PSD: variants seen among roughly 807,000 people sequenced by gnomAD.
PSD encodes pleckstrin and Sec7 domain containing.
PSD carries 32 observed loss-of-function variants against 91.6 expected under a neutral mutation model. The ratio of observed to expected loss-of-function variants is 0.35; its 90% CI spans 0.26 to 0.47. PSD has a LOEUF of 0.47. Ranked by LOEUF, PSD falls within the 20% of genes least tolerant of loss-of-function variation. The probability of loss-of-function intolerance (pLI) is 1.00; values close to 1 mark genes in which losing one functional copy is unlikely to be tolerated. For synonymous variants in PSD, 532 were observed against 569.3 expected (o/e 0.93, Z 0.93); for missense variants, 1,099 against 1,373.9 (o/e 0.80, Z 3.16).
At chr10:102,413,223 A>AC (rs2061441516) in intron 5 of PSD, among the ~76,000 whole-genome samples, 1 of 151,980 alleles carries the variant, frequency 6.6e-6, no homozygotes, top group African/African-American at 2.4e-5. Context: ...TTGCTAGGCA[A>AC]CCCGGTCTCC....
Position 102,416,666 on chromosome 10 carries a change from G to C in PSD, c.373C>G (p.Arg125Gly), listed in dbSNP as rs150908349. The change falls in exon 2 of 17, where the codon CGG (arginine) becomes GGG (glycine). Residue 125 changes from arginine to glycine, a missense_variant. By Grantham distance (125) the Arg-to-Gly change is moderately radical. Coordinates refer to ENST00000020673, the MANE Select transcript of PSD (RefSeq NM_002779.5). This position sits in a 1 kb window ranked among gnomAD's most constrained non-coding sequence, Gnocchi z 6.0. ...NGLPAPGGLS[R>G]SWDLGGVSPP... ...GAAACCCCACCCAGATCCCAGCTCC[G>C]ACTCAAGCCCCCTGGAGCAGGTAGC... 1.9e-6 allele frequency: 3 copies of C among 1,609,964 alleles called. No individual in the cohort carries two copies. The African/African-American group carries it at 4.0e-5, about 22-fold the overall frequency.
In PSD at chr10:102,402,696, G is replaced by T. The variant is rs45534636; in HGVS notation, c.*504C>A. 9.5e-6 allele frequency: 3 copies of T among 315,664 alleles called. No homozygotes were observed. Among genetic ancestry groups the T allele is most frequent in the Non-Finnish European group, 1.7e-5 (3 of 171,710 alleles). 19.6% of individuals were successfully genotyped at this position (315,664 alleles called of 1,614,324 possible). On this transcript the variant is annotated 3_prime_UTR_variant, in exon 17 of 17. Coordinates refer to ENST00000020673, the MANE Select transcript of PSD (RefSeq NM_002779.5). ...CACTGAAGCGGGGGAAAGCCAGGCC[G>T]TGCTGCCCCCGGCCCAGGTATGGGG...
In PSD at chr10:102,405,674, C is replaced by G; in HGVS notation, c.2136-138G>C. ...TCAACCTGAGGGTCCTGCCATGTCTCCCGTCTCAGATCAGGCCTCCACAAT... is the reference window on the plus strand; with the variant it reads ...TCAACCTGAGGGTCCTGCCATGTCTGCCGTCTCAGATCAGGCCTCCACAAT... On this transcript the variant is annotated intron_variant, in intron 11 of 16. Transcript: ENST00000020673. This position sits in a 1 kb window ranked among gnomAD's most constrained non-coding sequence, Gnocchi z 5.4. 1 of 770,994 alleles carries G rather than the reference C, an allele frequency of 1.3e-6. No individual in the cohort carries two copies. Among genetic ancestry groups the G allele is most frequent in the Admixed American group, 2.8e-5 (1 of 35,486 alleles). The allele number at this position is 770,994 out of a possible 1,614,324, so 47.8% of individuals were successfully genotyped here. A position where few individuals can be genotyped will look rare whatever the true frequency, so the allele number is the denominator to read the frequency against.
rs926023028 is a variant in PSD at position 102,411,120 on chromosome 10, G to T, written c.1943-4C>A. 1 of 1,601,570 alleles carries T rather than the reference G, an allele frequency of 6.2e-7. No individual in the cohort carries two copies. Among genetic ancestry groups the T allele is most frequent in the Non-Finnish European group, 8.5e-7 (1 of 1,171,088 alleles). ...CAGGTCAGCGTGTGGGCGCCGTCTA[G>T]GGGAGAGCTGACTTTCAGCCTTGGC... is the stretch of plus-strand genomic sequence containing the variant. On this transcript the variant is annotated splice_region_variant and splice_polypyrimidine_tract_variant and intron_variant, in intron 8 of 16. Coordinates refer to ENST00000020673, the MANE Select transcript of PSD (RefSeq NM_002779.5).
In PSD at chr10:102,409,659, A is replaced by G. The variant is rs1320696872; in HGVS notation, c.2091+1199T>C. Among the ~76,000 whole-genome samples, 1 of 152,052 alleles carries G rather than the reference A, an allele frequency of 6.6e-6. No individual in the cohort carries two copies. Among genetic ancestry groups the G allele is most frequent in the Non-Finnish European group, 1.5e-5 (1 of 67,976 alleles). On this transcript the variant is annotated intron_variant, in intron 10 of 16. Transcript: ENST00000020673. This position sits in a 1 kb window ranked among gnomAD's most constrained non-coding sequence, Gnocchi z 5.7. The stretch of plus-strand genomic sequence containing the variant: ...CAGCTCACCCGCAGATACCCCACCC[A>G]TATATAGATCTGAAGTCACGTAACA...
At chr10:102,407,362 C>T in intron 10 of PSD, 96 bp from the exon 11 acceptor site, 1 of 795,186 alleles carries the variant, frequency 1.3e-6, no homozygotes, top group Non-Finnish European at 1.8e-6. Context: ...TGAGCCAGAA[C>T]TAAGGGGAAA....
At chr10:102,411,635 C>T (rs1351126551) in intron 8 of PSD, 72 bp downstream of exon 8, 1 of 1,083,824 alleles carries the variant, frequency 9.2e-7, no homozygotes, top group South Asian at 1.3e-5. Flanking sequence ...TGCTCCTGTA[C>T]ACACACACAG....
rs1405349701 is a variant in PSD at position 102,416,543 on chromosome 10, C to G, written c.496G>C (p.Ala166Pro). ...SDPLPARGGS[A>P]LPGSRNLVHG... ...ACAAGGTTCCGGCTGCCAGGTAGGGCCGAGCCTCCTCTGGCGGGGAGTGGG... is the reference window on the plus strand; with the variant it reads ...ACAAGGTTCCGGCTGCCAGGTAGGGGCGAGCCTCCTCTGGCGGGGAGTGGG... The change falls in exon 2 of 17, where the codon GCC becomes CCC. Residue 166 changes from alanine to proline, a missense_variant. By Grantham distance (27) the Ala-to-Pro change is conservative (BLOSUM62 -1). Around this residue, in one of 3 missense-constraint regions of PSD, gnomAD observed 631 missense variants for 728.8 expected, o/e 0.87. Coordinates refer to ENST00000020673, the MANE Select transcript of PSD (RefSeq NM_002779.5). This position sits in a 1 kb window ranked among gnomAD's most constrained non-coding sequence, Gnocchi z 6.0. 3 of 1,607,990 alleles carry G rather than the reference C, an allele frequency of 1.9e-6. No individual in the cohort carries two copies.
At position 102,412,294 on chromosome 10, in the gene PSD, C is replaced by T. The variant is rs1445306142; in HGVS notation, c.1749-67G>A. On this transcript the variant is annotated intron_variant, in intron 6 of 16. Transcript: ENST00000020673. Reference sequence around the variant, plus strand: ...GTGCAGGGGGTCAGGTGGGGATTACCCAATGACCAGGGGACATTAGATGGA... The same window carrying T: ...GTGCAGGGGGTCAGGTGGGGATTACTCAATGACCAGGGGACATTAGATGGA... The T allele has an allele frequency of 4.3e-6, 7 of 1,611,370 alleles. No homozygotes were observed. In the African/African-American group the frequency reaches 8.0e-5, roughly 18 times the overall value.
Position 102,403,266 on chromosome 10 carries a change from C to A in PSD, c.3009G>T (p.Gln1003His), listed in dbSNP as rs773388444. Residue 1003 changes from glutamine (Q) to histidine (H), a missense_variant, in exon 17 of 17, where the codon CAG becomes CAT. Physicochemically the swap from Gln to His is conservative, Grantham distance 24. Coordinates refer to ENST00000020673, the MANE Select transcript of PSD (RefSeq NM_002779.5). This position sits in a 1 kb window ranked among gnomAD's most constrained non-coding sequence, Gnocchi z 6.7. Reference protein sequence around the residue: ...SPSLQPKPSSQPRAQRHSSEP... With the variant: ...SPSLQPKPSSHPRAQRHSSEP... ...CTGAGCTGTGACGCTGAGCCCGGGG[C>A]TGGCTGGAGGGTTTGGGCTGCAGGG... The A allele has an allele frequency of 1.9e-6, 3 of 1,611,390 alleles. No homozygotes were observed. The highest frequency in any genetic ancestry group is 3.3e-5 in the Admixed American group (2 of 59,822).
In PSD at chr10:102,411,088, G is replaced by T; in HGVS notation, c.1971C>A (p.Leu657=). The T allele has an allele frequency of 1.2e-6, 2 of 1,611,718 alleles. No individual in the cohort carries two copies. Among genetic ancestry groups the T allele is most frequent in the Non-Finnish European group, 1.7e-6 (2 of 1,178,172 alleles). Reference sequence around the variant, plus strand: ...CGTGGAGATCCGTGTTGAGCAGCATGAGCGCACAGGTCAGCGTGTGGGCGC... The same window carrying T: ...CGTGGAGATCCGTGTTGAGCAGCATTAGCGCACAGGTCAGCGTGTGGGCGC... ...EDGAHTLTCA[L]MLLNTDLHGH... Residue 657 remains leucine, a synonymous_variant, in exon 9 of 17, where the codon CTC becomes CTA. Coordinates refer to ENST00000020673, the MANE Select transcript of PSD (RefSeq NM_002779.5).
Position 102,410,923 on chromosome 10 carries a change from C to A in PSD, c.2026G>T (p.Gly676Trp). ...GHNIGKRMTC[G>W]DFIGNLEGLN... Reference sequence around the variant, plus strand: ...CCCTCCAGGTTCCCGATGAAGTCCCCGCAGGTCATGCGCTTCCCGATGTTC... The same window carrying A: ...CCCTCCAGGTTCCCGATGAAGTCCCAGCAGGTCATGCGCTTCCCGATGTTC... The change falls in exon 10 of 17, where the codon GGG (glycine) becomes TGG (tryptophan). Residue 676 changes from glycine (G) to tryptophan (W), a missense_variant. Gly to Trp is a radical substitution (Grantham distance 184). This residue lies in a region of PSD where 110 missense variants were observed against 218.7 expected (regional missense o/e 0.50). Transcript: ENST00000020673. The surrounding 1 kb of genome is among the most constrained non-coding windows in gnomAD (Gnocchi z 6.0). 6.2e-7 allele frequency: 1 copy of A among 1,613,938 alleles called. No individual in the cohort carries two copies. The highest frequency in any genetic ancestry group is 8.5e-7 in the Non-Finnish European group (1 of 1,179,810).
At position 102,404,347 on chromosome 10, in the gene PSD, C is replaced by CAAAA. The variant is rs35527887; in HGVS notation, c.2700+232_2700+235dup. On this transcript the variant is annotated intron_variant, in intron 15 of 16. Transcript: ENST00000020673. The surrounding 1 kb of genome is among the most constrained non-coding windows in gnomAD (Gnocchi z 5.7). ...TGGGCAACAGAGCGAGACTCCATCT[C>CAAAA]AAAAAAAAAAAAAAAAAAGATGCCC... is the stretch of plus-strand genomic sequence containing the variant. Among the ~76,000 whole-genome samples the CAAAA allele has an allele frequency of 9.7e-6, 1 of 103,026 alleles. No individual in the cohort carries two copies. Among genetic ancestry groups the CAAAA allele is most frequent in the Non-Finnish European group, 2.0e-5 (1 of 51,008 alleles). 67.6% of individuals were successfully genotyped at this position (103,026 alleles called of 152,430 possible).
upstream of PSD, chr10:102,419,615 G>A (rs781361219): frequency 6.3e-6 from 1 of 157,726 alleles, no homozygotes; most frequent in Non-Finnish European, 1.4e-5. The surrounding 1 kb of genome is among the most constrained non-coding windows in gnomAD (Gnocchi z 4.8). Flanking sequence ...GGGCAGTCAG[G>A]GGGCGCGAGG....
At chr10:102,412,697 ATTC>A (rs1408078447) in intron 5 of PSD, 122 bp from the exon 6 acceptor site, 6 of 831,518 alleles carry the variant, frequency 7.2e-6, no homozygotes, top group East Asian at 5.4e-5. Flanking sequence ...TGGGGAAAGC[ATTC>A]TTCTTTTTTC....
Position 102,413,657 on chromosome 10 carries a change from A to T in PSD, c.1553+112T>A, listed in dbSNP as rs942144512. 9.1e-6 allele frequency: 10 copies of T among 1,102,102 alleles called. No homozygotes were observed. In the South Asian group the frequency reaches 1.4e-4, roughly 16 times the overall value. 68.3% of individuals were successfully genotyped at this position (1,102,102 alleles called of 1,614,324 possible). On this transcript the variant is annotated intron_variant, in intron 5 of 16. Transcript: ENST00000020673. ...GGATCTGCATCCCTTAACCACCCCT[A>T]CTCAGGGGTCAGGAATATAAACCAA...
chr10:102,416,459 T>A lies in PSD; in HGVS notation c.580A>T (p.Asn194Tyr). The A allele has an allele frequency of 6.2e-7, 1 of 1,613,168 alleles. No individual in the cohort carries two copies. The change falls in exon 2 of 17, where the codon AAT becomes TAT. Residue 194 changes from asparagine (N) to tyrosine (Y), a missense_variant. Asn to Tyr is a moderately radical substitution (Grantham distance 143, BLOSUM62 -2). This residue lies in a region of PSD where 631 missense variants were observed against 728.8 expected (regional missense o/e 0.87). Coordinates refer to ENST00000020673, the MANE Select transcript of PSD (RefSeq NM_002779.5). The surrounding 1 kb of genome is among the most constrained non-coding windows in gnomAD (Gnocchi z 6.0). ...GADGLYSSLP[N>Y]GLGGPPERLA... ...CGCTCAGGGGGGCCCCCCAGCCCAT[T>A]GGGGAGAGAGGAGTAAAGGCCATCT...
chr10:102,418,464 C>T (rs2061512307), intron 1 of PSD, among the ~76,000 whole-genome samples: 1 of 152,158 alleles, frequency 6.6e-6, no homozygotes, highest in African/African-American at 2.4e-5. Flanking sequence ...TCCCCCCCAC[C>T]TACTGGGGTC....
At position 102,411,123 on chromosome 10, in the gene PSD, G is replaced by C. The variant is rs373791243; in HGVS notation, c.1943-7C>G. 6.2e-7 allele frequency: 1 copy of C among 1,600,952 alleles called. No homozygotes were observed. Among genetic ancestry groups the C allele is most frequent in the Non-Finnish European group, 8.5e-7 (1 of 1,170,704 alleles). The stretch of plus-strand genomic sequence containing the variant: ...GTCAGCGTGTGGGCGCCGTCTAGGG[G>C]AGAGCTGACTTTCAGCCTTGGCTGC... On this transcript the variant is annotated splice_region_variant and splice_polypyrimidine_tract_variant and intron_variant, in intron 8 of 16. Coordinates refer to ENST00000020673, the MANE Select transcript of PSD (RefSeq NM_002779.5).
Sources: allele counts gnomAD v4.1 joint callset (sites outside exome capture counted in the v4.1 genomes callset), GRCh38; gene constraint gnomAD v4.1.1; regional missense constraint gnomAD v4.1.1; non-coding constraint Gnocchi (gnomAD v3.1); transcripts MANE v1.5; gene names NCBI Gene and HGNC (gene_info 2026-07-23, HGNC 2026-07-21).